The following WDPCP variants were observed in gnomAD, a reference collection of about 807,000 sequenced individuals.
The protein encoded by WDPCP is WD repeat-containing and planar cell polarity effector protein fritz homolog.
WDPCP carries 71 observed loss-of-function variants against 93.1 expected under a neutral mutation model. The observed-to-expected ratio is 0.76, with a 90% confidence interval of 0.63 to 0.93. The LOEUF (loss-of-function observed/expected upper bound fraction) is 0.93. Among genes scored for constraint, WDPCP ranks in the 40% least tolerant of loss-of-function variants. The probability of loss-of-function intolerance (pLI) is 0.00; values close to 1 mark genes in which losing one functional copy is unlikely to be tolerated. For missense variants in WDPCP, 844 were observed against 887.4 expected (o/e 0.95, Z 0.62); for synonymous variants, 315 against 315.0 (o/e 1.00, Z 0.00).
intron 13 of WDPCP, among the ~76,000 whole-genome samples, chr2:63,280,812 T>C (rs1480072578): frequency 2.0e-5 from 3 of 152,184 alleles, no homozygotes; most frequent in Admixed American, 6.5e-5. Flanking sequence ...TCTCTTACTT[T>C]ATACAAAAAT....
chr2:63,597,803 G>A (rs373233201), intron 3 of WDPCP: 6 of 311,010 alleles, frequency 1.9e-5, no homozygotes, highest in South Asian at 1.6e-4. Flanking sequence ...TTAGTATAAC[G>A]TGAAAATTTA....
intron 2 of WDPCP, among the ~76,000 whole-genome samples, chr2:63,794,354 T>C (rs1402625129): frequency 6.6e-6 from 1 of 152,226 alleles, no homozygotes; most frequent in Non-Finnish European, 1.5e-5. Flanking sequence ...TGCCTGTAAC[T>C]GGTTTAGGAA....
At chr2:63,129,418 C>A (rs761425617) in intron 17 of WDPCP, among the ~76,000 whole-genome samples, 79 of 152,226 alleles carry the variant, frequency 5.2e-4, no homozygotes, top group Non-Finnish European at 6.0e-4. Flanking sequence ...GTTCTAGTTT[C>A]TCCACATCCT....
chr2:63,297,261 G>A (rs1237583606), intron 13 of WDPCP, among the ~76,000 whole-genome samples: 1 of 152,096 alleles, frequency 6.6e-6, no homozygotes, highest in Admixed American at 6.5e-5. Flanking sequence ...AATAATCCCC[G>A]GTACAGCCTG....
At chr2:63,451,419 C>T (rs1176992769) in intron 6 of WDPCP, among the ~76,000 whole-genome samples, 4 of 152,100 alleles carry the variant, frequency 2.6e-5, no homozygotes, top group Non-Finnish European at 2.9e-5. Context: ...CTGAATAGAC[C>T]AATAACAGGA....
At chr2:63,679,352 T>C (rs868728212) in intron 2 of WDPCP, among the ~76,000 whole-genome samples, 1 of 152,286 alleles carries the variant, frequency 6.6e-6, no homozygotes, top group East Asian at 1.9e-4. Context: ...AGAATTAGAA[T>C]GACTACACTA....
At chr2:63,764,981 A>G (rs147385217) in intron 2 of WDPCP, among the ~76,000 whole-genome samples, 2 of 152,344 alleles carry the variant, frequency 1.3e-5, no homozygotes, top group East Asian at 3.9e-4. Flanking sequence ...AAACTAGGCT[A>G]AGGTAGCTTT....
chr2:63,259,769 C>T lies in WDPCP; in HGVS notation c.1813-360G>A, dbSNP rs146539751. On this transcript the variant is annotated intron_variant, in intron 13 of 17. Transcript: ENST00000272321. ...CTTCAAATTTTAATTGTATATTATG[C>T]TAAGCACGATACAAGGGATACTAAA... Among the ~76,000 whole-genome samples, 125 of 152,202 alleles carry T rather than the reference C, an allele frequency of 8.2e-4. 2 individuals carry two copies. The East Asian group carries it at 0.022, about 27-fold the overall frequency.
chr2:63,497,111 C>CAAAAAAAA (rs10667775), intron 1 of WDPCP, among the ~76,000 whole-genome samples: 14 of 72,436 alleles, frequency 1.9e-4, no homozygotes, highest in African/African-American at 3.9e-4. Flanking sequence ...GACTCCATCT[C>CAAAAAAAA]AAAAAAAAAA....
intron 2 of WDPCP, chr2:63,751,785 C>T: frequency 1.6e-6 from 1 of 634,046 alleles, no homozygotes; most frequent in Non-Finnish European, 3.0e-6. Context: ...GCCTCCAACA[C>T]CACAGTGCTT....
chr2:63,123,062 A>C (rs1035597591), intron 17 of WDPCP, among the ~76,000 whole-genome samples: 1 of 147,328 alleles, frequency 6.8e-6, no homozygotes, highest in Non-Finnish European at 1.5e-5. Flanking sequence ...AAAAAAAAAA[A>C]CCTGGAAAAA....
At chr2:63,721,774 C>T (rs560784044) in intron 2 of WDPCP, among the ~76,000 whole-genome samples, 5 of 144,332 alleles carry the variant, frequency 3.5e-5, no homozygotes, top group African/African-American at 1.3e-4. Context: ...TTTCCACGGT[C>T]TCCCTCTCAT....
At chr2:63,801,347 G>A (rs1670690850) in intron 2 of WDPCP, among the ~76,000 whole-genome samples, 1 of 152,114 alleles carries the variant, frequency 6.6e-6, no homozygotes, top group South Asian at 2.1e-4. Flanking sequence ...GTGGGTTCGT[G>A]GTCTCGCTGA....
chr2:63,589,409 G>A, upstream of WDPCP: 1 of 1,546,096 alleles, frequency 6.5e-7, no homozygotes. Context: ...GGAAAGGTTG[G>A]GTCCTAACCC....
chr2:63,644,368 C>T (rs1367173262), intron 3 of WDPCP, among the ~76,000 whole-genome samples: 1 of 151,644 alleles, frequency 6.6e-6, no homozygotes. Context: ...CTCAGGTTCC[C>T]GAGTAGCTGG....
At chr2:63,820,802 G>A (rs1671007320) in intron 1 of WDPCP, among the ~76,000 whole-genome samples, 1 of 151,746 alleles carries the variant, frequency 6.6e-6, no homozygotes, top group Admixed American at 6.6e-5. Flanking sequence ...AAATTACTCT[G>A]AGGCATTTAC....
chr2:63,631,416 G>A (rs1317083091), intron 3 of WDPCP, among the ~76,000 whole-genome samples: 1 of 151,756 alleles, frequency 6.6e-6, no homozygotes, highest in Non-Finnish European at 1.5e-5. Context: ...GCTAGAAAAA[G>A]AAGAGAGAAA....
At chr2:63,521,144 C>A (rs1190612990) in intron 1 of WDPCP, among the ~76,000 whole-genome samples, 1 of 152,114 alleles carries the variant, frequency 6.6e-6, no homozygotes, top group South Asian at 2.1e-4. Flanking sequence ...TATAAGGCAA[C>A]CACACCAACA....
chr2:63,622,682 C>T lies in WDPCP; in HGVS notation n.488+27977G>A, dbSNP rs1709758672. ...TCTTGGTCAGGAGTCGCCGGGACAG[C>T]AGTTTCTGGTCAGGGGTCACCTCCC... On this transcript the variant is annotated intron_variant and non_coding_transcript_variant, in intron 3 of 4. Coordinates refer to the WDPCP transcript ENST00000467687. The T allele has an allele frequency of 1.9e-6, 3 of 1,613,712 alleles. No individual in the cohort carries two copies. The Admixed American group carries it at 5.0e-5, about 27-fold the overall frequency.
Sources: allele counts gnomAD v4.1 joint callset (sites outside exome capture counted in the v4.1 genomes callset), GRCh38; gene constraint gnomAD v4.1.1; transcripts MANE v1.5; gene names NCBI Gene and HGNC (gene_info 2026-07-23, HGNC 2026-07-21).